Variants in ETV7 observed in about 807,000 individuals in gnomAD.
The protein encoded by ETV7 is transcription factor ETV7.
In ETV7, 43 loss-of-function variants were observed where a neutral mutation model predicts 39.1. That is an observed-to-expected ratio of 1.10 (90% CI 0.86 to 1.42). The LOEUF is 1.42. ETV7 is among the 40% of genes most tolerant of loss of function. ETV7 has a pLI of 0.00. For synonymous variants in ETV7, 196 were observed against 176.6 expected (o/e 1.11, Z -0.87); for missense variants, 432 against 442.3 (o/e 0.98, Z 0.21).
At chr6:36,363,296 C>G (rs1041463133), downstream of ETV7, among the ~76,000 whole-genome samples, 2 of 151,946 alleles carry the variant, frequency 1.3e-5, no homozygotes, top group Non-Finnish European at 2.9e-5. Flanking sequence ...TTCGTGGTCT[C>G]GCTGGCTCAG....
In ETV7 at chr6:36,354,656, A is replaced by G; in HGVS notation, c.940T>C (p.Trp314Arg). The change falls in exon 8 of 8, where the codon TGG becomes CGG. Residue 314 changes from tryptophan (W) to arginine (R), a missense_variant. Physicochemically the swap from Trp to Arg is moderately radical, Grantham distance 101 (BLOSUM62 -3). Coordinates refer to the ETV7 transcript ENST00000339796. ...GCTATTTGGGGTCACTGGAAACTCC[A>G]TATGAATATGAAGATCAGCTGAAGT... 3 of 698,630 alleles carry G rather than the reference A, an allele frequency of 4.3e-6. No individual in the cohort carries two copies. The East Asian group carries it at 8.1e-5, about 19-fold the overall frequency. 43.3% of individuals were successfully genotyped at this position (698,630 alleles called of 1,614,324 possible).
chr6:36,387,348 C>A (rs1773962448), intron 1 of ETV7, among the ~76,000 whole-genome samples, 188 bp downstream of exon 1: 1 of 151,258 alleles, frequency 6.6e-6, no homozygotes, highest in Admixed American at 6.6e-5. Context: ...GGGGCGGTGA[C>A]CCGCGTCTGG....
intron 2 of ETV7, among the ~76,000 whole-genome samples, chr6:36,382,631 T>A (rs1489640216): frequency 1.3e-5 from 2 of 152,204 alleles, no homozygotes; most frequent in African/African-American, 4.8e-5. Context: ...AACTTCAGCA[T>A]GGGCACCCAA....
downstream of ETV7, among the ~76,000 whole-genome samples, chr6:36,362,246 G>A (rs575080925): frequency 6.6e-5 from 10 of 152,094 alleles, no homozygotes; most frequent in South Asian, 1.2e-3. Context: ...AGCTTGCAGC[G>A]AGCCGAGATC....
intron 7 of ETV7, among the ~76,000 whole-genome samples, chr6:36,355,872 T>C (rs910961363): frequency 1.3e-5 from 2 of 152,224 alleles, no homozygotes; most frequent in Non-Finnish European, 2.9e-5. Flanking sequence ...AAGGCAGTCA[T>C]TCCCTCTGAT....
chr6:36,367,831 T>G (rs1000176104), intron 6 of ETV7, among the ~76,000 whole-genome samples: 4 of 151,836 alleles, frequency 2.6e-5, no homozygotes, highest in African/African-American at 7.3e-5. Flanking sequence ...TGAGTCTGCT[T>G]CCCCAGCTAC....
rs1338138361 is a variant in ETV7 at position 36,371,397 on chromosome 6, G to A, written c.597C>T (p.Gly199=). The A allele has an allele frequency of 6.2e-7, 1 of 1,602,250 alleles. No individual in the cohort carries two copies. The highest frequency in any genetic ancestry group is 1.1e-5 in the South Asian group (1 of 89,174). Residue 199 remains glycine (G), a synonymous_variant, in exon 5 of 8, where the codon GGC becomes GGT. Transcript: ENST00000340181. ...AGGAACAGACCCCCTGGGTCCTGCA[G>A]CCGAGCTCTGCACAGTGACATAAGT... ...SLNLCHCAEL[G]CRTQGVCSFP...
chr6:36,362,545 G>T (rs1304582003), downstream of ETV7, among the ~76,000 whole-genome samples: 2 of 152,178 alleles, frequency 1.3e-5, no homozygotes, highest in Non-Finnish European at 2.9e-5. Flanking sequence ...ATGAAAAATG[G>T]ATATAAACTC....
chr6:36,362,026 C>T (rs558650973), downstream of ETV7, among the ~76,000 whole-genome samples: 6 of 152,114 alleles, frequency 3.9e-5, no homozygotes, highest in Admixed American at 1.3e-4. Context: ...TGGCCGGGCG[C>T]GGTGGCTCAC....
chr6:36,379,380 C>G (rs1773533752), intron 2 of ETV7, among the ~76,000 whole-genome samples: 1 of 151,870 alleles, frequency 6.6e-6, no homozygotes, highest in African/African-American at 2.4e-5. Flanking sequence ...CTTGACTCTA[C>G]AAACAAAAAA....
intron 4 of ETV7, among the ~76,000 whole-genome samples, chr6:36,372,322 C>T (rs997442168): frequency 8.6e-5 from 13 of 151,982 alleles, no homozygotes; most frequent in African/African-American, 2.4e-4. Flanking sequence ...AGCAGGAGCA[C>T]GGGGGAGAAG....
intron 2 of ETV7, among the ~76,000 whole-genome samples, chr6:36,377,846 C>T (rs145670706): frequency 1.8e-4 from 28 of 152,258 alleles, no homozygotes; most frequent in Non-Finnish European, 3.5e-4. Context: ...ACACAGGGAA[C>T]GTTCACTGTG....
chr6:36,387,025 C>T (rs1005944780), intron 1 of ETV7: 12 of 178,312 alleles, frequency 6.7e-5, no homozygotes, highest in Non-Finnish European at 1.2e-4. Context: ...AGCATGGAGG[C>T]CAGGGAAGGG....
Position 36,373,622 on chromosome 6 carries a change from G to A in ETV7, c.308-44C>T, listed in dbSNP as rs769768847. On this transcript the variant is annotated intron_variant, in intron 3 of 7. Coordinates refer to ENST00000340181, the MANE Select transcript of ETV7 (RefSeq NM_016135.4). ...GAGGGCAGGCTGCTGAACAGGCCAC[G>A]TGGGGAGGGCCAGCCTCATCCCCCT... 1.3e-5 allele frequency: 20 copies of A among 1,503,912 alleles called. No homozygotes were observed. In the East Asian group the frequency reaches 1.4e-4, roughly 10 times the overall value. 93.2% of individuals were successfully genotyped at this position (1,503,912 alleles called of 1,614,324 possible). A position where few individuals can be genotyped will look rare whatever the true frequency, so the allele number is the denominator to read the frequency against.
At chr6:36,378,334 T>A (rs1773481368) in intron 2 of ETV7, among the ~76,000 whole-genome samples, 1 of 150,806 alleles carries the variant, frequency 6.6e-6, no homozygotes, top group Non-Finnish European at 1.5e-5. Context: ...CAATTGTAGG[T>A]AGATTAAAGG....
At chr6:36,382,154 C>G (rs1464137277) in intron 2 of ETV7, among the ~76,000 whole-genome samples, 2 of 152,164 alleles carry the variant, frequency 1.3e-5, no homozygotes, top group African/African-American at 2.4e-5. Flanking sequence ...CAGCATTTCT[C>G]AAACCATTTT....
At chr6:36,375,381 C>T (rs2071795) in intron 3 of ETV7, among the ~76,000 whole-genome samples, 16,742 of 152,172 alleles carry the variant, frequency 0.11, 1,415 homozygotes, top group Admixed American at 0.27. Context: ...CCACAAACTC[C>T]GTGCTGCTGG....
intron 3 of ETV7, 69 bp downstream of exon 3, chr6:36,375,802 C>G (rs765886158): frequency 1.9e-6 from 3 of 1,608,580 alleles, no homozygotes; most frequent in East Asian, 2.2e-5. Context: ...CTGGGCCCCC[C>G]GGGGGTACTT....
chr6:36,384,510 T>C (rs780022281), intron 2 of ETV7, among the ~76,000 whole-genome samples: 1 of 152,164 alleles, frequency 6.6e-6, no homozygotes, highest in South Asian at 2.1e-4. Flanking sequence ...CTTAGGGAAA[T>C]AGGATTTCCC....
Sources: allele counts gnomAD v4.1 joint callset (sites outside exome capture counted in the v4.1 genomes callset), GRCh38; gene constraint gnomAD v4.1.1; transcripts MANE v1.5; gene names NCBI Gene and HGNC (gene_info 2026-07-23, HGNC 2026-07-21).